The following PTPRR variants were observed in gnomAD, a reference collection of about 807,000 sequenced individuals.
PTPRR encodes the protein receptor-type tyrosine-protein phosphatase R.
A neutral mutation model predicts 77.2 loss-of-function variants in PTPRR; 38 were observed. That is an observed-to-expected ratio of 0.49 (90% CI 0.38 to 0.65). The LOEUF (loss-of-function observed/expected upper bound fraction) is 0.65, where lower values mean the gene tolerates loss of function less well. Among genes scored for constraint, PTPRR ranks in the 30% least tolerant of loss-of-function variants. The probability of loss-of-function intolerance (pLI) is 0.00; values close to 1 mark genes in which losing one functional copy is unlikely to be tolerated. For missense variants in PTPRR, 744 were observed against 799.2 expected, an observed-to-expected ratio of 0.93 and a Z score of 0.83; for synonymous variants, 299 against 283.1, an observed-to-expected ratio of 1.06 and a Z score of -0.57.
At chr12:70,655,584 A>G (rs1035604819) in intron 13 of PTPRR, among the ~76,000 whole-genome samples, 2 of 152,242 alleles carry the variant, frequency 1.3e-5, no homozygotes, top group African/African-American at 4.8e-5. Context: ...ATTCTGACAC[A>G]TGCTACAACA....
At chr12:70,872,023 C>T (rs969666157) in intron 2 of PTPRR, among the ~76,000 whole-genome samples, 1 of 152,094 alleles carries the variant, frequency 6.6e-6, no homozygotes, top group African/African-American at 2.4e-5. Flanking sequence ...TGTCTGAACA[C>T]CAAACAACAA....
At chr12:70,673,283 C>A (rs1887315455) in intron 10 of PTPRR, among the ~76,000 whole-genome samples, 2 of 152,156 alleles carry the variant, frequency 1.3e-5, no homozygotes, top group African/African-American at 4.8e-5. Flanking sequence ...AACCCTGATT[C>A]AAGAATGAGG....
intron 2 of PTPRR, among the ~76,000 whole-genome samples, chr12:70,825,074 G>A (rs755480546): frequency 1.3e-5 from 2 of 152,044 alleles, no homozygotes; most frequent in African/African-American, 2.4e-5. Context: ...CACAAGGTCC[G>A]GAGTTCGAGA....
intron 6 of PTPRR, among the ~76,000 whole-genome samples, chr12:70,702,223 G>A (rs941926165): frequency 6.6e-6 from 1 of 152,112 alleles, no homozygotes; most frequent in Non-Finnish European, 1.5e-5. Flanking sequence ...CCTGAGTCCT[G>A]AGTAGGAAGT....
At chr12:70,833,925 A>G (rs1892258918) in intron 2 of PTPRR, among the ~76,000 whole-genome samples, 1 of 152,204 alleles carries the variant, frequency 6.6e-6, no homozygotes, top group Non-Finnish European at 1.5e-5. Flanking sequence ...AAAAGGGCCT[A>G]CAATGATCTT....
chr12:70,669,559 T>TACACACAC (rs566522694), intron 10 of PTPRR, among the ~76,000 whole-genome samples: 4,258 of 141,718 alleles, frequency 0.03, 172 homozygotes, highest in African/African-American at 0.091. Context: ...ATATATGTTA[T>TACACACAC]ACACACACAC....
intron 6 of PTPRR, among the ~76,000 whole-genome samples, chr12:70,736,861 C>T (rs553708483): frequency 5.9e-5 from 9 of 152,252 alleles, no homozygotes; most frequent in East Asian, 3.9e-4. Context: ...CCGTGTGGTA[C>T]GTGTATAATG....
At chr12:70,844,024 C>T (rs1054756994) in intron 2 of PTPRR, among the ~76,000 whole-genome samples, 4 of 151,960 alleles carry the variant, frequency 2.6e-5, no homozygotes, top group Non-Finnish European at 4.4e-5. Flanking sequence ...TCATGTTGGC[C>T]AGGCTCGTCT....
At chr12:70,824,735 G>A (rs1170185441) in intron 2 of PTPRR, among the ~76,000 whole-genome samples, 6 of 152,134 alleles carry the variant, frequency 3.9e-5, no homozygotes, top group Admixed American at 1.3e-4. Flanking sequence ...TGCCTTTGTC[G>A]GGATGGGGTT....
rs550858005 is a variant in PTPRR at position 70,749,699 on chromosome 12, C to T, written c.739-3613G>A. Among the ~76,000 whole-genome samples, 3 of 152,230 alleles carry T rather than the reference C, an allele frequency of 2.0e-5. No homozygotes were observed. In the South Asian group the frequency reaches 6.2e-4, roughly 32 times the overall value. ...TTCAATGTAGGATTTCTTGCTGCGG[C>T]TACCAGACTACAACTAGAGAAACTC... On this transcript the variant is annotated intron_variant, in intron 5 of 13. Transcript: ENST00000283228.
chr12:70,841,776 A>AT (rs1892402344), intron 2 of PTPRR, among the ~76,000 whole-genome samples: 1 of 152,116 alleles, frequency 6.6e-6, no homozygotes, highest in African/African-American at 2.4e-5. Context: ...AATAGCCTTT[A>AT]TTTTTTCATT....
chr12:70,698,225 GC>G, intron 8 of PTPRR, 39 bp downstream of exon 8: 1 of 1,547,686 alleles, frequency 6.5e-7, no homozygotes, highest in Non-Finnish European at 8.9e-7. Context: ...CCCTCCCCTT[GC>G]CCCCCATACA....
At chr12:70,851,629 A>G (rs961575930) in intron 2 of PTPRR, among the ~76,000 whole-genome samples, 1 of 152,228 alleles carries the variant, frequency 6.6e-6, no homozygotes. Flanking sequence ...TAAGGCATTT[A>G]TGAAAATGAA....
intron 2 of PTPRR, among the ~76,000 whole-genome samples, chr12:70,865,438 A>G (rs1004155355): frequency 1.3e-5 from 2 of 152,156 alleles, no homozygotes; most frequent in African/African-American, 4.8e-5. Context: ...ATGACAGAGG[A>G]CAGGTGGAAA....
Position 70,761,603 on chromosome 12 carries a change from C to A in PTPRR, c.495G>T (p.Leu165=), listed in dbSNP as rs772799519. 6.3e-7 allele frequency: 1 copy of A among 1,595,180 alleles called. No homozygotes were observed. Among genetic ancestry groups the A allele is most frequent in the Non-Finnish European group, 8.5e-7 (1 of 1,171,924 alleles). ...RLIGKKNSIE[L]FVSPINRKTG... ...TTTTTCGGTTTATGGGAGACACAAA[C>A]AGTTCAATACTGTTCTTCTTTCCCT... Residue 165 remains leucine, a synonymous_variant, in exon 4 of 14, where the codon CTG becomes CTT. Coordinates refer to ENST00000283228, the MANE Select transcript of PTPRR (RefSeq NM_002849.4).
chr12:70,888,813 T>G lies in PTPRR; in HGVS notation c.357+3866A>C, dbSNP rs182951041. Among the ~76,000 whole-genome samples, 468 of 152,218 alleles carry G rather than the reference T, an allele frequency of 3.1e-3. 3 individuals are homozygous for G. The highest frequency in any genetic ancestry group is 9.4e-3 in the Admixed American group (144 of 15,292). On this transcript the variant is annotated intron_variant, in intron 2 of 13. Coordinates refer to ENST00000283228, the MANE Select transcript of PTPRR (RefSeq NM_002849.4). ...GCTTCTCCACAGCTCAACACAGACC[T>G]ATTGTCCCTACTATGTAAGTAATCA...
intron 1 of PTPRR, among the ~76,000 whole-genome samples, chr12:70,902,717 G>T (rs1893558480): frequency 6.6e-6 from 1 of 151,648 alleles, no homozygotes; most frequent in Admixed American, 6.6e-5. Flanking sequence ...TGATACAATG[G>T]ACTTTGGGGA....
At chr12:70,698,050 T>G (rs764583864) in intron 8 of PTPRR, among the ~76,000 whole-genome samples, 1 of 152,090 alleles carries the variant, frequency 6.6e-6, no homozygotes, top group Non-Finnish European at 1.5e-5. Flanking sequence ...AAGACTTGTC[T>G]TGTGCTTTAC....
chr12:70,879,075 G>C (rs1332750413), intron 2 of PTPRR, among the ~76,000 whole-genome samples: 1 of 152,028 alleles, frequency 6.6e-6, no homozygotes, highest in Non-Finnish European at 1.5e-5. Flanking sequence ...ACACAGGAAG[G>C]GGAACATCAC....
Sources: gnomAD v4.1 joint callset for allele counts (sites outside exome capture counted in the v4.1 genomes callset) on GRCh38, gnomAD v4.1.1 for gene constraint, MANE v1.5 for transcripts, NCBI Gene and HGNC (gene_info 2026-07-23, HGNC 2026-07-21) for gene names.